Variants in PDZRN4 observed in about 807,000 individuals in gnomAD.
The protein encoded by PDZRN4 is PDZ domain containing ring finger 4, also known as PDZ domain-containing RING finger protein 4.
A neutral mutation model predicts 99.0 loss-of-function variants in PDZRN4; 70 were observed. That is an observed-to-expected ratio of 0.71 (90% CI 0.58 to 0.86). The LOEUF (loss-of-function observed/expected upper bound fraction) is 0.86, where lower values mean the gene tolerates loss of function less well. Ranked by LOEUF, PDZRN4 falls within the 40% of genes least tolerant of loss-of-function variation. The probability of loss-of-function intolerance (pLI) is 0.00; values close to 1 mark genes in which losing one functional copy is unlikely to be tolerated. For missense variants in PDZRN4, 1,474 were observed against 1,331.2 expected (o/e 1.11, Z -1.67); for synonymous variants, 551 against 501.6 (o/e 1.10, Z -1.32).
intron 3 of PDZRN4, among the ~76,000 whole-genome samples, chr12:41,452,120 A>T (rs1952779984): frequency 1.3e-5 from 2 of 151,710 alleles, no homozygotes; most frequent in South Asian, 4.2e-4. Flanking sequence ...AAGAGACAAA[A>T]AAAAAAAAAG....
intron 3 of PDZRN4, among the ~76,000 whole-genome samples, chr12:41,230,477 G>A (rs978311474): frequency 6.6e-5 from 10 of 152,194 alleles, no homozygotes; most frequent in African/African-American, 2.4e-4. Flanking sequence ...GGTCATATTT[G>A]TGATTTCTAG....
At chr12:41,223,108 T>C (rs1950969331) in intron 3 of PDZRN4, among the ~76,000 whole-genome samples, 1 of 152,158 alleles carries the variant, frequency 6.6e-6, no homozygotes, top group Admixed American at 6.6e-5. Flanking sequence ...AAAGAATGGG[T>C]AAGGCTTACA....
intron 3 of PDZRN4, among the ~76,000 whole-genome samples, chr12:41,277,185 T>C (rs2120874636): frequency 6.6e-6 from 1 of 152,286 alleles, no homozygotes; most frequent in African/African-American, 2.4e-5. Context: ...GTAATGAGCG[T>C]GCACAGGAAT....
At chr12:41,523,360 T>G (rs545585796) in intron 5 of PDZRN4, among the ~76,000 whole-genome samples, 2 of 152,214 alleles carry the variant, frequency 1.3e-5, no homozygotes, top group Non-Finnish European at 2.9e-5. Flanking sequence ...GCTATAGGTT[T>G]GCTTGTGGAC....
At chr12:41,512,322 A>G (rs1938320723) in intron 5 of PDZRN4, among the ~76,000 whole-genome samples, 1 of 152,102 alleles carries the variant, frequency 6.6e-6, no homozygotes, top group Non-Finnish European at 1.5e-5. Context: ...TATTCTTTTC[A>G]ATGGTGAGAA....
rs141955482 is a variant in PDZRN4, at chr12:41,426,774, T to C, written c.844-79682T>C. ...GTTAGCATATCAGAAATTATAATGA[T>C]GTGAGGCATTCAAGAATTTGTCTAG... On this transcript the variant is annotated intron_variant, in intron 3 of 9. Coordinates refer to ENST00000402685, the MANE Select transcript of PDZRN4 (RefSeq NM_001164595.2). Among the ~76,000 whole-genome samples, 1,522 of 152,340 alleles carry C rather than the reference T, an allele frequency of 1.0e-2. 17 individuals carry two copies. Among genetic ancestry groups the C allele is most frequent in the Non-Finnish European group, 0.015 (1,052 of 68,028 alleles).
At chr12:41,568,036 G>T in intron 9 of PDZRN4, 137 bp downstream of exon 9, 1 of 597,184 alleles carries the variant, frequency 1.7e-6, no homozygotes, top group Non-Finnish European at 3.0e-6. Context: ...TAGAGCAAAT[G>T]ATCATCTCAA....
intron 3 of PDZRN4, among the ~76,000 whole-genome samples, chr12:41,261,934 T>C (rs1210015329): frequency 6.6e-6 from 1 of 152,148 alleles, no homozygotes; most frequent in Non-Finnish European, 1.5e-5. Context: ...ATGGGGAGAA[T>C]AGTATCTGTG....
At chr12:41,351,996 T>TAAATAAATAAAC (rs1951893576) in intron 3 of PDZRN4, among the ~76,000 whole-genome samples, 4 of 149,772 alleles carry the variant, frequency 2.7e-5, no homozygotes. Context: ...AATAAATAAA[T>TAAATAAATAAAC]AAATAAATAA....
Position 41,438,393 on chromosome 12 carries a change from T to C in PDZRN4, c.844-68063T>C, listed in dbSNP as rs144256626. Among the ~76,000 whole-genome samples the C allele has an allele frequency of 5.3e-3, 813 of 152,344 alleles. 11 individuals carry two copies. Among genetic ancestry groups the C allele is most frequent in the African/African-American group, 0.019 (776 of 41,574 alleles). On this transcript the variant is annotated intron_variant, in intron 3 of 9. Coordinates refer to ENST00000402685, the MANE Select transcript of PDZRN4 (RefSeq NM_001164595.2). ...TAAATATTGGGGTTTAATGGGTCTA[T>C]GATCTCAGTTATTTTCAATAGACAG...
chr12:41,356,220 T>C (rs962649626), intron 3 of PDZRN4, among the ~76,000 whole-genome samples: 8 of 152,032 alleles, frequency 5.3e-5, no homozygotes, highest in South Asian at 2.1e-4. Context: ...CTGCACCCAA[T>C]TGAAGAATCA....
intron 9 of PDZRN4, among the ~76,000 whole-genome samples, chr12:41,571,174 G>T (rs979776950): frequency 1.3e-5 from 2 of 151,762 alleles, no homozygotes; most frequent in African/African-American, 4.8e-5. Context: ...ATAAACTTAG[G>T]CATAAGGCAG....
At chr12:41,411,467 A>T (rs1952399415) in intron 3 of PDZRN4, 1 of 152,186 alleles carries the variant, frequency 6.6e-6, no homozygotes, top group South Asian at 2.1e-4. Context: ...TGTGAGTGAG[A>T]ACTGTCATTG....
intron 3 of PDZRN4, among the ~76,000 whole-genome samples, chr12:41,338,059 C>G (rs143200850): frequency 2.6e-4 from 40 of 152,136 alleles, no homozygotes; most frequent in African/African-American, 9.2e-4. Flanking sequence ...GTGCCCAACC[C>G]CTATGTGCTG....
intron 3 of PDZRN4, among the ~76,000 whole-genome samples, chr12:41,370,396 A>C (rs1477402875): frequency 6.6e-6 from 1 of 151,994 alleles, no homozygotes; most frequent in Non-Finnish European, 1.5e-5. Flanking sequence ...GGTCCTTTAA[A>C]AATATTTATC....
At chr12:41,235,401 T>G (rs1355368383) in intron 3 of PDZRN4, among the ~76,000 whole-genome samples, 1 of 152,112 alleles carries the variant, frequency 6.6e-6, no homozygotes, top group Non-Finnish European at 1.5e-5. Context: ...ATAGTTTTTC[T>G]TAGAAAATAT....
At chr12:41,462,141 A>G (rs1483650094) in intron 3 of PDZRN4, among the ~76,000 whole-genome samples, 2 of 152,234 alleles carry the variant, frequency 1.3e-5, no homozygotes. Context: ...GATTAAACAC[A>G]AGAAAATTAA....
At chr12:41,537,581 A>C (rs1366450790) in intron 5 of PDZRN4, among the ~76,000 whole-genome samples, 1 of 152,176 alleles carries the variant, frequency 6.6e-6, no homozygotes, top group African/African-American at 2.4e-5. Flanking sequence ...AGATCAGATT[A>C]CAGAGGGCCT....
chr12:41,218,565 T>C (rs911471394), intron 3 of PDZRN4, among the ~76,000 whole-genome samples: 1 of 152,136 alleles, frequency 6.6e-6, no homozygotes, highest in African/African-American at 2.4e-5. Context: ...ACATACCCCC[T>C]GTAAAGAGTG....
Sources: allele counts gnomAD v4.1 joint callset (sites outside exome capture counted in the v4.1 genomes callset), GRCh38; gene constraint gnomAD v4.1.1; transcripts MANE v1.5; gene names NCBI Gene and HGNC (gene_info 2026-07-23, HGNC 2026-07-21).